Variants in ABCA13 observed in about 807,000 individuals in gnomAD.
ABCA13 encodes the protein ATP binding cassette subfamily A member 13.
Under a neutral mutation model 478.7 loss-of-function variants are expected in ABCA13, and 476 were observed. The ratio of observed to expected loss-of-function variants is 0.99; its 90% confidence interval spans 0.92 to 1.07. The LOEUF (loss-of-function observed/expected upper bound fraction) is 1.07, where lower values mean the gene tolerates loss of function less well. Ranked by LOEUF, ABCA13 falls within the 50% of genes least tolerant of loss-of-function variation. The pLI, the probability that ABCA13 is intolerant of heterozygous loss-of-function variation, is 0.00. For synonymous variants in ABCA13, 2,252 were observed against 2,158.9 expected, an observed-to-expected ratio of 1.04 and a Z score of -1.20; for missense variants, 6,060 against 5,910.6, an observed-to-expected ratio of 1.03 and a Z score of -0.83.
chr7:48,523,712 A>C (rs1832709233), intron 53 of ABCA13, among the ~76,000 whole-genome samples: 1 of 152,134 alleles, frequency 6.6e-6, no homozygotes, highest in Non-Finnish European at 1.5e-5. Flanking sequence ...GATTTAGAGA[A>C]AATAAGAGTT....
intron 59 of ABCA13, 118 bp downstream of exon 59, chr7:48,615,495 T>C: frequency 2.3e-6 from 2 of 873,396 alleles, no homozygotes; most frequent in Non-Finnish European, 1.7e-6. Context: ...TGGCATAAAA[T>C]AGGAGATGAA....
At chr7:48,248,777 G>C (rs1375220974) in intron 14 of ABCA13, among the ~76,000 whole-genome samples, 1 of 152,150 alleles carries the variant, frequency 6.6e-6, no homozygotes, top group African/African-American at 2.4e-5. Flanking sequence ...TCTCTTGGGA[G>C]CTGTAACTCT....
chr7:48,300,017 T>G (rs977593118), intron 23 of ABCA13, among the ~76,000 whole-genome samples: 2 of 152,258 alleles, frequency 1.3e-5, no homozygotes, highest in Non-Finnish European at 2.9e-5. Flanking sequence ...GCTTTGATGG[T>G]TAAGTATATC....
intron 59 of ABCA13, among the ~76,000 whole-genome samples, chr7:48,632,597 A>G (rs1039995062): frequency 4.6e-5 from 7 of 152,140 alleles, no homozygotes; most frequent in African/African-American, 1.7e-4. Flanking sequence ...TTTTGTATTA[A>G]CTGTGTGTGA....
At chr7:48,574,949 G>A (rs1788026045) in intron 55 of ABCA13, among the ~76,000 whole-genome samples, 1 of 152,022 alleles carries the variant, frequency 6.6e-6, no homozygotes, top group Non-Finnish European at 1.5e-5. Flanking sequence ...AAAGCAAAAG[G>A]ATAATATAGC....
At chr7:48,290,871 A>G (rs925209698) in intron 20 of ABCA13, among the ~76,000 whole-genome samples, 6 of 146,570 alleles carry the variant, frequency 4.1e-5, no homozygotes, top group Non-Finnish European at 7.5e-5. Context: ...CTTTGGAGCA[A>G]GGAGAATACC....
chr7:48,373,996 C>G (rs142752680), intron 33 of ABCA13, among the ~76,000 whole-genome samples: 1 of 152,222 alleles, frequency 6.6e-6, no homozygotes, highest in Non-Finnish European at 1.5e-5. Flanking sequence ...TGCTCCAGGG[C>G]ATTCACTTAA....
chr7:48,193,920 GCT>G (rs1179740798), intron 2 of ABCA13, among the ~76,000 whole-genome samples: 1 of 105,242 alleles, frequency 9.5e-6, no homozygotes, highest in Non-Finnish European at 2.0e-5. Context: ...TAGTGATGAT[GCT>G]GACAATAATG....
At chr7:48,257,137 T>C (rs1332879192) in intron 15 of ABCA13, among the ~76,000 whole-genome samples, 4 of 152,120 alleles carry the variant, frequency 2.6e-5, no homozygotes, top group African/African-American at 9.7e-5. Flanking sequence ...ACATTGATTT[T>C]CTATTCTGAA....
In ABCA13 at chr7:48,646,041, CATT is replaced by C. The variant is rs1415434518; in HGVS notation, c.*532_*534del. 6.6e-6 allele frequency: 1 copy of C among 152,340 alleles called. No individual in the cohort carries two copies. Among genetic ancestry groups the C allele is most frequent in the African/African-American group, 2.4e-5 (1 of 41,324 alleles). The allele number at this position is 152,340 out of a possible 1,614,324, so 9.4% of individuals were successfully genotyped here. ...TGTAAGCTTTTATTAATACTGATGA[CATT>C]ATATGGTATGATATGAAAAAATCAC... On this transcript the variant is annotated 3_prime_UTR_variant, in exon 62 of 62. Transcript: ENST00000435803.
intron 1 of ABCA13, among the ~76,000 whole-genome samples, chr7:48,176,374 G>T (rs1367796633): frequency 2.6e-5 from 4 of 152,086 alleles, no homozygotes; most frequent in Admixed American, 2.6e-4. Flanking sequence ...ACCATGGGCT[G>T]GAAGAGGATA....
At chr7:48,463,747 A>AGAAAG (rs764551407) in intron 43 of ABCA13, among the ~76,000 whole-genome samples, 67 of 151,116 alleles carry the variant, frequency 4.4e-4, no homozygotes, top group Non-Finnish European at 4.0e-4. Context: ...GAAGGAATAA[A>AGAAAG]GAAAGGAAAG....
intron 39 of ABCA13, among the ~76,000 whole-genome samples, chr7:48,410,093 C>CAAAAAAAAA (rs58724216): frequency 0.11 from 7,069 of 66,720 alleles, 439 homozygotes; most frequent in Non-Finnish European, 0.12. Flanking sequence ...GACTCCATCT[C>CAAAAAAAAA]AAAAAAAAAA....
At chr7:48,434,295 G>T (rs981270911) in intron 42 of ABCA13, among the ~76,000 whole-genome samples, 1 of 151,914 alleles carries the variant, frequency 6.6e-6, no homozygotes, top group Non-Finnish European at 1.5e-5. Flanking sequence ...GTGCTTATTG[G>T]CCATTAGCAT....
At chr7:48,414,004 C>G (rs146303633) in intron 41 of ABCA13, among the ~76,000 whole-genome samples, 2 of 152,318 alleles carry the variant, frequency 1.3e-5, no homozygotes, top group African/African-American at 2.4e-5. Flanking sequence ...GGTTGATGCT[C>G]TGTATTCCAT....
At chr7:48,270,191 C>A (rs1466277058) in intron 16 of ABCA13, among the ~76,000 whole-genome samples, 1 of 152,028 alleles carries the variant, frequency 6.6e-6, no homozygotes, top group African/African-American at 2.4e-5. Flanking sequence ...CTTGAAATGA[C>A]AAAACCTGGG....
intron 45 of ABCA13, among the ~76,000 whole-genome samples, chr7:48,480,257 A>T (rs1828621337): frequency 6.6e-6 from 1 of 152,060 alleles, no homozygotes; most frequent in African/African-American, 2.4e-5. Context: ...TGGATTTGAG[A>T]CTTTCTCTTT....
At chr7:48,470,919 T>A (rs1827423624) in intron 44 of ABCA13, among the ~76,000 whole-genome samples, 1 of 152,226 alleles carries the variant, frequency 6.6e-6, no homozygotes, top group South Asian at 2.1e-4. Flanking sequence ...TTATCATTAC[T>A]GAAACAAAGT....
chr7:48,376,369 G>T, intron 34 of ABCA13, 72 bp from the exon 35 acceptor site: 1 of 1,548,724 alleles, frequency 6.5e-7, no homozygotes, highest in South Asian at 1.3e-5. Flanking sequence ...CAGAAGTAAT[G>T]AACTCATCAT....
Sources: gnomAD v4.1 joint callset for allele counts (sites outside exome capture counted in the v4.1 genomes callset) on GRCh38, gnomAD v4.1.1 for gene constraint, MANE v1.5 for transcripts, NCBI Gene and HGNC (gene_info 2026-07-23, HGNC 2026-07-21) for gene names.